DYM: variants seen among roughly 807,000 people sequenced by gnomAD.
The protein encoded by DYM is dyggve-Melchior-Clausen syndrome protein.
DYM carries 78 observed loss-of-function variants against 93.1 expected under a neutral mutation model. That is an observed-to-expected ratio of 0.84 (90% CI 0.70 to 1.01). DYM has a LOEUF of 1.01. Ranked by LOEUF, DYM falls within the 50% of genes least tolerant of loss-of-function variation. DYM has a pLI of 0.00. For synonymous variants in DYM, 321 were observed against 319.7 expected (o/e 1.00, Z -0.04); for missense variants, 789 against 845.0 (o/e 0.93, Z 0.82).
chr18:49,337,993 A>G (rs1174180154), intron 6 of DYM, among the ~76,000 whole-genome samples: 2 of 152,200 alleles, frequency 1.3e-5, no homozygotes, highest in Admixed American at 6.5e-5. Context: ...GAGCAAAGGG[A>G]CTCGAACTGG....
rs1568266763 is a variant in DYM at position 49,332,619 on chromosome 18, ATAGAG to A, written c.621-618_621-614del. 2.6e-5 allele frequency among the ~76,000 whole-genome samples: 4 copies of A among 152,120 alleles called. No individual in the cohort carries two copies. The South Asian group carries it at 6.2e-4, about 24-fold the overall frequency. On this transcript the variant is annotated intron_variant, in intron 7 of 17. Coordinates refer to ENST00000675505, the MANE Select transcript of DYM (RefSeq NM_001353214.3). ...TTGGTATTAAACTAATTCCTGCAAT[ATAGAG>A]TAAACTTTTTAACAGATTCTTTAAT...
Position 49,039,101 on chromosome 18 carries a change from G to C in DYM, c.*4954C>G, listed in dbSNP as rs564496114. Among the ~76,000 whole-genome samples the C allele has an allele frequency of 6.6e-6, 1 of 152,080 alleles. No homozygotes were observed. The highest frequency in any genetic ancestry group is 1.5e-5 in the Non-Finnish European group (1 of 68,020). On this transcript the variant is annotated 3_prime_UTR_variant, in exon 18 of 18. Coordinates refer to ENST00000675505, the MANE Select transcript of DYM (RefSeq NM_001353214.3). ...TTTTAAATTTTCCTTTAGGGTAGGC[G>C]TGCTGATTAATTCTTCTAGCTGTTT...
At chr18:49,181,275 T>C (rs1350717594) in intron 14 of DYM, among the ~76,000 whole-genome samples, 2 of 152,198 alleles carry the variant, frequency 1.3e-5, no homozygotes, top group Non-Finnish European at 2.9e-5. Flanking sequence ...ACAGCATGAT[T>C]TTGAGATCAC....
chr18:49,440,511 T>G (rs1478792675), intron 1 of DYM, among the ~76,000 whole-genome samples: 6 of 54,934 alleles, frequency 1.1e-4, no homozygotes, highest in Non-Finnish European at 1.5e-4. Context: ...GACTATATAT[T>G]ATATATTTAT....
At chr18:49,171,589 CA>C (rs2088734093) in intron 14 of DYM, among the ~76,000 whole-genome samples, 1 of 151,906 alleles carries the variant, frequency 6.6e-6, no homozygotes, top group South Asian at 2.1e-4. Context: ...TTAAAAAAAC[CA>C]AAAAACTATT....
intron 8 of DYM, among the ~76,000 whole-genome samples, chr18:49,316,669 A>AGT (rs1209446511): frequency 6.6e-6 from 1 of 152,166 alleles, no homozygotes; most frequent in East Asian, 1.9e-4. Flanking sequence ...CATACAGAAT[A>AGT]GTGTTGCTGC....
At chr18:49,186,418 G>A (rs1720664435) in intron 14 of DYM, among the ~76,000 whole-genome samples, 1 of 152,020 alleles carries the variant, frequency 6.6e-6, no homozygotes, top group African/African-American at 2.4e-5. Flanking sequence ...ATTCCCTGTT[G>A]TCTTCTCCTA....
At chr18:49,388,320 C>A (rs1054078024) in intron 3 of DYM, among the ~76,000 whole-genome samples, 3 of 151,536 alleles carry the variant, frequency 2.0e-5, no homozygotes, top group African/African-American at 7.3e-5. Context: ...CAGAGTGAGA[C>A]CCTGTCTCAA....
intron 17 of DYM, among the ~76,000 whole-genome samples, chr18:49,095,778 G>A (rs2079487867): frequency 6.6e-6 from 1 of 152,072 alleles, no homozygotes; most frequent in Admixed American, 6.5e-5. Context: ...TATAATAAAT[G>A]AACAAATATT....
chr18:49,417,648 T>C (rs1218527187), intron 2 of DYM, among the ~76,000 whole-genome samples: 1 of 152,208 alleles, frequency 6.6e-6, no homozygotes, highest in African/African-American at 2.4e-5. Flanking sequence ...GTGTGTATAA[T>C]ATACATGCTA....
chr18:49,365,578 T>C (rs1390789734), intron 5 of DYM, among the ~76,000 whole-genome samples: 1 of 152,198 alleles, frequency 6.6e-6, no homozygotes, highest in African/African-American at 2.4e-5. Flanking sequence ...ATATACTCAA[T>C]GTACGTTTGC....
chr18:49,315,214 T>TA (rs201223596), intron 8 of DYM, among the ~76,000 whole-genome samples: 59,359 of 145,976 alleles, frequency 0.41, 12,848 homozygotes, highest in Middle Eastern at 0.54. Context: ...GACCCTGTGT[T>TA]AAAAAAAAAA....
At chr18:49,086,771 T>C (rs1487452981) in intron 17 of DYM, among the ~76,000 whole-genome samples, 1 of 152,038 alleles carries the variant, frequency 6.6e-6, no homozygotes, top group Non-Finnish European at 1.5e-5. Context: ...GTGGATCACC[T>C]GAGGTCAGGA....
chr18:49,459,196 T>A (rs566483073), intron 1 of DYM, among the ~76,000 whole-genome samples: 1 of 152,222 alleles, frequency 6.6e-6, no homozygotes, highest in Non-Finnish European at 1.5e-5. Context: ...TTGCGACTGA[T>A]AGTTTCATCA....
At chr18:49,168,205 CAT>C (rs1298955017) in intron 14 of DYM, among the ~76,000 whole-genome samples, 3 of 152,006 alleles carry the variant, frequency 2.0e-5, no homozygotes, top group Non-Finnish European at 4.4e-5. Context: ...CCAGCTCTCA[CAT>C]GAGTACTCCC....
intron 16 of DYM, among the ~76,000 whole-genome samples, chr18:49,112,702 AATAAAC>A: frequency 6.6e-6 from 1 of 152,326 alleles, no homozygotes; most frequent in East Asian, 1.9e-4. Flanking sequence ...CATACAATAA[AATAAAC>A]ATACTCATTT....
chr18:49,277,040 C>T (rs780359997), intron 10 of DYM, among the ~76,000 whole-genome samples: 5 of 152,164 alleles, frequency 3.3e-5, no homozygotes, highest in Non-Finnish European at 7.3e-5. Flanking sequence ...TTTGCCAACT[C>T]TATGGATGGC....
chr18:49,322,975 T>G (rs893826549), intron 8 of DYM, among the ~76,000 whole-genome samples: 1 of 152,156 alleles, frequency 6.6e-6, no homozygotes, highest in Admixed American at 6.5e-5. Flanking sequence ...GGCATTCAAT[T>G]CCAGGTCTAC....
chr18:49,421,375 C>A (rs1341085068), intron 2 of DYM, among the ~76,000 whole-genome samples: 1 of 152,126 alleles, frequency 6.6e-6, no homozygotes, highest in African/African-American at 2.4e-5. Flanking sequence ...CTGGTGATAC[C>A]CAGGCAAACA....
Sources: allele counts gnomAD v4.1 joint callset (sites outside exome capture counted in the v4.1 genomes callset), GRCh38; gene constraint gnomAD v4.1.1; transcripts MANE v1.5; gene names NCBI Gene and HGNC (gene_info 2026-07-23, HGNC 2026-07-21).